ATXN1: variants seen among roughly 807,000 people sequenced by gnomAD.
ATXN1 encodes the protein ataxin-1.
In ATXN1, 8 loss-of-function variants were observed where a neutral mutation model predicts 56.4. The ratio of observed to expected loss-of-function variants is 0.14; its 90% CI spans 0.08 to 0.26. ATXN1 has a LOEUF of 0.26. Among genes scored for constraint, ATXN1 ranks in the 10% least tolerant of loss-of-function variants. ATXN1 has a pLI of 1.00. For synonymous variants in ATXN1, 514 were observed against 494.6 expected (o/e 1.04, Z -0.52); for missense variants, 987 against 1,106.5 (o/e 0.89, Z 1.53).
chr6:16,721,899 C>T (rs1759753048), intron 2 of ATXN1, among the ~76,000 whole-genome samples: 1 of 152,124 alleles, frequency 6.6e-6, no homozygotes, highest in African/African-American at 2.4e-5. Context: ...ACAATCCTCT[C>T]CCAGAAAAAC....
At chr6:16,458,437 G>A (rs1270187756) in intron 6 of ATXN1, among the ~76,000 whole-genome samples, 2 of 152,286 alleles carry the variant, frequency 1.3e-5, no homozygotes, top group African/African-American at 2.4e-5. Context: ...AGGGTCAATT[G>A]ATCCTAAAAG....
intron 6 of ATXN1, among the ~76,000 whole-genome samples, chr6:16,483,191 G>A (rs1009295356): frequency 6.6e-6 from 1 of 152,118 alleles, no homozygotes; most frequent in African/African-American, 2.4e-5. Context: ...CCATCTGCTG[G>A]CAAGTGGTGG....
intron 4 of ATXN1, among the ~76,000 whole-genome samples, chr6:16,550,786 A>C (rs553271535): frequency 1.1e-3 from 160 of 152,340 alleles, no homozygotes; most frequent in Non-Finnish European, 1.7e-3. Context: ...AAAAGGATTA[A>C]GTTTTTTTCT....
chr6:16,439,383 A>AT (rs1936976526), intron 6 of ATXN1, among the ~76,000 whole-genome samples: 1 of 5,756 alleles, frequency 1.7e-4, no homozygotes, highest in Non-Finnish European at 2.9e-4. Flanking sequence ...CGGGGCGGGA[A>AT]TAAGGGTTGG....
At chr6:16,362,099 G>C (rs759787433) in intron 6 of ATXN1, among the ~76,000 whole-genome samples, 1 of 152,126 alleles carries the variant, frequency 6.6e-6, no homozygotes, top group African/African-American at 2.4e-5. Context: ...TAGACATTCC[G>C]TAACTGGTGT....
chr6:16,640,194 G>T (rs565150875), intron 3 of ATXN1, among the ~76,000 whole-genome samples: 1 of 152,050 alleles, frequency 6.6e-6, no homozygotes, highest in East Asian at 1.9e-4. Flanking sequence ...AAACTTTTGC[G>T]CTGTTATATC....
At chr6:16,441,660 T>C (rs541593610) in intron 6 of ATXN1, among the ~76,000 whole-genome samples, 49 of 151,880 alleles carry the variant, frequency 3.2e-4, no homozygotes, top group Admixed American at 2.9e-3. Flanking sequence ...AAAGAAATAG[T>C]TGGATAGAGA....
At position 16,662,002 on chromosome 6, in the gene ATXN1, T is replaced by G. The variant is rs1338666683; in HGVS notation, c.-614-4101A>C. ...TGTTTTAAGCCACTAAGATTTGGAG[T>G]AATTACTTACACAGCAGTAGATAAC... On this transcript the variant is annotated intron_variant, in intron 2 of 7. Transcript: ENST00000436367. 3.3e-5 allele frequency among the ~76,000 whole-genome samples: 5 copies of G among 152,134 alleles called. No individual in the cohort carries two copies. In the East Asian group the frequency reaches 7.7e-4, roughly 23 times the overall value.
chr6:16,299,430 A>C lies in ATXN1; in HGVS notation c.*6899T>G, dbSNP rs1760026120. ...AATATTTTACACTGGAATTACAGAGAGTATGCACGCATATGGAAAAAAGTT... is the reference window on the plus strand; with the variant it reads ...AATATTTTACACTGGAATTACAGAGCGTATGCACGCATATGGAAAAAAGTT... On this transcript the variant is annotated 3_prime_UTR_variant, in exon 8 of 8. Coordinates refer to ENST00000436367, the MANE Select transcript of ATXN1 (RefSeq NM_001128164.2). 6.5e-6 allele frequency: 1 copy of C among 152,682 alleles called. No individual in the cohort carries two copies. The highest frequency in any genetic ancestry group is 1.5e-5 in the Non-Finnish European group (1 of 68,042). The allele number at this position is 152,682 out of a possible 1,614,324, so 9.5% of individuals were successfully genotyped here. A position where few individuals can be genotyped will look rare whatever the true frequency, so the allele number is the denominator to read the frequency against.
At chr6:16,481,002 T>TG (rs1457451410) in intron 6 of ATXN1, among the ~76,000 whole-genome samples, 2 of 151,956 alleles carry the variant, frequency 1.3e-5, no homozygotes, top group African/African-American at 4.8e-5. Flanking sequence ...CCAGGGGCAA[T>TG]GGCCAGGAAC....
chr6:16,549,383 C>A (rs773637940), intron 4 of ATXN1, among the ~76,000 whole-genome samples: 1 of 152,144 alleles, frequency 6.6e-6, no homozygotes, highest in African/African-American at 2.4e-5. Flanking sequence ...ATGGCTACAA[C>A]ATTACTAGGC....
At chr6:16,381,059 A>G (rs1360472221) in intron 6 of ATXN1, among the ~76,000 whole-genome samples, 1 of 152,168 alleles carries the variant, frequency 6.6e-6, no homozygotes, top group Non-Finnish European at 1.5e-5. Flanking sequence ...TGGGAGGTCG[A>G]GGCAGGCGGA....
At position 16,643,458 on chromosome 6, in the gene ATXN1, G is replaced by A. The variant is rs542236715; in HGVS notation, c.-489+14318C>T. Among the ~76,000 whole-genome samples the A allele has an allele frequency of 1.1e-4, 16 of 151,668 alleles. No homozygotes were observed. The South Asian group carries it at 2.9e-3, about 28-fold the overall frequency. Reference sequence around the variant, plus strand: ...AGCCTGGGCAACATGATGAAACCTCGTCTCTACAAAAAATACAAAAATTAG... The same window carrying A: ...AGCCTGGGCAACATGATGAAACCTCATCTCTACAAAAAATACAAAAATTAG... On this transcript the variant is annotated intron_variant, in intron 3 of 7. Coordinates refer to ENST00000436367, the MANE Select transcript of ATXN1 (RefSeq NM_001128164.2).
chr6:16,463,918 G>A (rs1474977346), intron 6 of ATXN1, among the ~76,000 whole-genome samples: 3 of 152,158 alleles, frequency 2.0e-5, no homozygotes, highest in Non-Finnish European at 4.4e-5. Flanking sequence ...AACCCCAAAT[G>A]AGCTCAACTC....
chr6:16,305,896 G>C lies in ATXN1; in HGVS notation c.*433C>G, dbSNP rs1162496031. 1 of 159,586 alleles carries C rather than the reference G, an allele frequency of 6.3e-6. No homozygotes were observed. The highest frequency in any genetic ancestry group is 1.4e-5 in the Non-Finnish European group (1 of 72,512). The allele number at this position is 159,586 out of a possible 1,614,324, so 9.9% of individuals were successfully genotyped here. ...CAAGAGAGTGAGGCAGAGGGAGGCAGAGAAAAAGAGACCCTCACTCGCCGC... is the reference window on the plus strand; with the variant it reads ...CAAGAGAGTGAGGCAGAGGGAGGCACAGAAAAAGAGACCCTCACTCGCCGC... On this transcript the variant is annotated 3_prime_UTR_variant, in exon 8 of 8. Transcript: ENST00000436367.
At chr6:16,409,779 T>C (rs1758760748) in intron 6 of ATXN1, among the ~76,000 whole-genome samples, 1 of 151,822 alleles carries the variant, frequency 6.6e-6, no homozygotes, top group Non-Finnish European at 1.5e-5. Context: ...GGGCTCTTCT[T>C]TGCCCCCCAC....
chr6:16,368,028 G>A (rs1761962310), intron 6 of ATXN1, among the ~76,000 whole-genome samples: 1 of 152,000 alleles, frequency 6.6e-6, no homozygotes, highest in Non-Finnish European at 1.5e-5. Flanking sequence ...AAATTAGCCA[G>A]ACATGTTGGT....
At chr6:16,561,865 G>A (rs1172532141) in intron 4 of ATXN1, among the ~76,000 whole-genome samples, 1 of 152,152 alleles carries the variant, frequency 6.6e-6, no homozygotes, top group Non-Finnish European at 1.5e-5. Context: ...AGCCTGGGCT[G>A]CAATGAGTAA....
At chr6:16,310,853 CT>C (rs1407870528) in intron 7 of ATXN1, among the ~76,000 whole-genome samples, 2 of 152,176 alleles carry the variant, frequency 1.3e-5, no homozygotes, top group South Asian at 2.1e-4. Context: ...ACCAAAAAAA[CT>C]TTAAAAGTAG....
Sources: gnomAD v4.1 joint callset for allele counts (sites outside exome capture counted in the v4.1 genomes callset) on GRCh38, gnomAD v4.1.1 for gene constraint, MANE v1.5 for transcripts, NCBI Gene and HGNC (gene_info 2026-07-23, HGNC 2026-07-21) for gene names.